The following OSBPL9 variants were observed in gnomAD, a reference collection of about 807,000 sequenced individuals.
OSBPL9 encodes oxysterol binding protein like 9.
A neutral mutation model predicts 106.6 loss-of-function variants in OSBPL9; 40 were observed. The ratio of observed to expected loss-of-function variants is 0.38; its 90% confidence interval spans 0.29 to 0.49. The LOEUF is 0.49. OSBPL9 is among the 20% of genes least tolerant of loss of function. OSBPL9 has a pLI of 0.97. For synonymous variants in OSBPL9, 269 were observed against 295.4 expected (o/e 0.91, Z 0.92); for missense variants, 609 against 887.2 (o/e 0.69, Z 3.98).
the OSBPL9 span, chr1:51,569,649 T>C: frequency 6.6e-6 from 1 of 152,206 alleles, no homozygotes; most frequent in Admixed American, 6.5e-5. Context: ...CCTTTGCTTG[T>C]GTTTTACTGA....
At chr1:51,530,193 C>CAAAAAAAAAAAAAACA in the OSBPL9 span, among the ~76,000 whole-genome samples, 1 of 55,664 alleles carries the variant, frequency 1.8e-5, no homozygotes, top group East Asian at 3.2e-4. Context: ...AAAAAAAAAA[C>CAAAAAAAAAAAAAACA]AAAAAAAAAA....
chr1:51,525,583 C>T, the OSBPL9 span, among the ~76,000 whole-genome samples: 1 of 152,198 alleles, frequency 6.6e-6, no homozygotes, highest in African/African-American at 2.4e-5. Flanking sequence ...CAAGTCCAAT[C>T]TACCAGAAAG....
intron 4 of OSBPL9, among the ~76,000 whole-genome samples, chr1:51,741,274 TTCTC>T (rs1388114509): frequency 6.6e-6 from 1 of 152,188 alleles, no homozygotes; most frequent in Non-Finnish European, 1.5e-5. Context: ...ATGTTTCTCT[TTCTC>T]TCTCTATTAA....
At chr1:51,766,341 GAAGCATTATACAA>G (rs1482335009) in intron 12 of OSBPL9, among the ~76,000 whole-genome samples, 11 of 152,140 alleles carry the variant, frequency 7.2e-5, no homozygotes, top group Non-Finnish European at 1.3e-4. Flanking sequence ...AATAAGCTAT[GAAGCATTATACAA>G]ATAAGAGGTT....
chr1:51,587,038 A>C (rs1645250989), intron 1 of OSBPL9, among the ~76,000 whole-genome samples: 1 of 152,144 alleles, frequency 6.6e-6, no homozygotes, highest in Non-Finnish European at 1.5e-5. Flanking sequence ...TTGTCACTAC[A>C]TTCACACCCT....
intron 9 of OSBPL9, chr1:51,760,201 G>C (rs12067171): frequency 6.5e-6 from 1 of 153,962 alleles, no homozygotes; most frequent in Admixed American, 6.5e-5. Flanking sequence ...TCCTCGGGGG[G>C]TGCTTGGAAC....
At chr1:51,786,207 G>A (rs1329550673) in intron 21 of OSBPL9, 2 of 443,154 alleles carry the variant, frequency 4.5e-6, no homozygotes, top group East Asian at 4.4e-5. Context: ...TGTGGCGTAT[G>A]TTTATAAAAT....
intron 3 of OSBPL9, among the ~76,000 whole-genome samples, chr1:51,699,678 C>A (rs938681271): frequency 1.3e-5 from 2 of 152,076 alleles, no homozygotes; most frequent in Non-Finnish European, 2.9e-5. Context: ...CTGGAATCAA[C>A]CATTTTTCCA....
the OSBPL9 span, among the ~76,000 whole-genome samples, chr1:51,562,616 A>G: frequency 6.6e-6 from 1 of 152,214 alleles, no homozygotes; most frequent in South Asian, 2.1e-4. Context: ...AATGCACAAG[A>G]TTCTTTCAAA....
chr1:51,590,202 A>G (rs1031734340), intron 1 of OSBPL9, among the ~76,000 whole-genome samples: 1 of 152,148 alleles, frequency 6.6e-6, no homozygotes, highest in Admixed American at 6.6e-5. Flanking sequence ...TCATTCTGAA[A>G]TTTATATGAG....
At chr1:51,711,279 G>A (rs1188499873) in intron 3 of OSBPL9, among the ~76,000 whole-genome samples, 1 of 150,914 alleles carries the variant, frequency 6.6e-6, no homozygotes, top group African/African-American at 2.4e-5. Context: ...CCCAGTAGGG[G>A]CGGCCGGGCA....
upstream of OSBPL9, among the ~76,000 whole-genome samples, chr1:51,616,007 T>G (rs1028672114): frequency 9.5e-6 from 1 of 104,728 alleles, no homozygotes; most frequent in Non-Finnish European, 2.1e-5. Flanking sequence ...CCTTTGGTTT[T>G]TTTTTTTTTT....
chr1:51,767,312 G>A, intron 12 of OSBPL9, among the ~76,000 whole-genome samples: 1 of 151,636 alleles, frequency 6.6e-6, no homozygotes, highest in East Asian at 1.9e-4. Context: ...AGAATCTCTT[G>A]AACACAGGAG....
chr1:51,773,288 A>G (rs1170753241), intron 14 of OSBPL9, among the ~76,000 whole-genome samples: 1 of 152,156 alleles, frequency 6.6e-6, no homozygotes, highest in South Asian at 2.1e-4. Flanking sequence ...TTTGAATTTG[A>G]ATTTAAACTT....
intron 1 of OSBPL9, among the ~76,000 whole-genome samples, chr1:51,597,457 G>GTA (rs1645305964): frequency 2.8e-5 from 4 of 141,334 alleles, no homozygotes; most frequent in African/African-American, 1.0e-4. Context: ...GTGTGTGTGT[G>GTA]TGTATATACA....
intron 8 of OSBPL9, among the ~76,000 whole-genome samples, chr1:51,751,955 C>T (rs1316104642): frequency 3.3e-5 from 5 of 152,012 alleles, no homozygotes; most frequent in Admixed American, 6.5e-5. Context: ...TTTATTTATT[C>T]CAGAAGGAAG....
At chr1:51,667,857 A>G (rs1002034179) in intron 2 of OSBPL9, among the ~76,000 whole-genome samples, 1 of 152,200 alleles carries the variant, frequency 6.6e-6, no homozygotes, top group Non-Finnish European at 1.5e-5. Flanking sequence ...GACCTTGGGC[A>G]AGTCATTATA....
At chr1:51,586,172 T>G (rs1379572641) in intron 1 of OSBPL9, among the ~76,000 whole-genome samples, 4 of 151,590 alleles carry the variant, frequency 2.6e-5, no homozygotes, top group African/African-American at 9.7e-5. Flanking sequence ...AGACTGTGTC[T>G]CAAAAAAATA....
intron 1 of OSBPL9, among the ~76,000 whole-genome samples, chr1:51,578,667 C>T (rs1645200676): frequency 6.6e-6 from 1 of 152,162 alleles, no homozygotes; most frequent in South Asian, 2.1e-4. Flanking sequence ...CTCATTAATT[C>T]CTTTCTTCAA....
Sources: gnomAD v4.1 joint callset for allele counts (sites outside exome capture counted in the v4.1 genomes callset) on GRCh38, gnomAD v4.1.1 for gene constraint, MANE v1.5 for transcripts, NCBI Gene and HGNC (gene_info 2026-07-23, HGNC 2026-07-21) for gene names.